The following ZFAT variants were observed in gnomAD, a reference collection of about 807,000 sequenced individuals.
The protein encoded by ZFAT is zinc finger protein ZFAT.
Under a neutral mutation model 117.7 loss-of-function variants are expected in ZFAT, and 64 were observed. The ratio of observed to expected loss-of-function variants is 0.54; its 90% CI spans 0.44 to 0.67. The LOEUF is 0.67. Ranked by LOEUF, ZFAT falls within the 30% of genes least tolerant of loss-of-function variation. The probability of loss-of-function intolerance (pLI) is 0.00; values close to 1 mark genes in which losing one functional copy is unlikely to be tolerated. For missense variants in ZFAT, 1,433 were observed against 1,584.5 expected, an observed-to-expected ratio of 0.90 and a Z score of 1.62; for synonymous variants, 679 against 615.0, an observed-to-expected ratio of 1.10 and a Z score of -1.54.
the ZFAT span, among the ~76,000 whole-genome samples, chr8:134,816,684 C>A: frequency 6.6e-6 from 1 of 152,078 alleles, no homozygotes; most frequent in Non-Finnish European, 1.5e-5. Context: ...AGAAACTGAG[C>A]TTAAAAATGC....
intron 12 of ZFAT, among the ~76,000 whole-genome samples, chr8:134,526,557 T>TA (rs1554638686): frequency 6.6e-6 from 1 of 152,190 alleles, no homozygotes; most frequent in Non-Finnish European, 1.5e-5. Context: ...AAGAGAAATT[T>TA]AAAAAAACTG....
At chr8:134,665,026 T>C (rs1206892763) in intron 1 of ZFAT, among the ~76,000 whole-genome samples, 1 of 152,262 alleles carries the variant, frequency 6.6e-6, no homozygotes, top group Non-Finnish European at 1.5e-5. Context: ...TCCTCATTTC[T>C]GATCTCTGAT....
At chr8:134,503,073 C>G (rs1477011607) in intron 15 of ZFAT, among the ~76,000 whole-genome samples, 1 of 152,238 alleles carries the variant, frequency 6.6e-6, no homozygotes, top group East Asian at 1.9e-4. Context: ...GAGACAAAGG[C>G]CTGCCACGTA....
At chr8:134,705,698 T>A (rs1215637284) in intron 1 of ZFAT, among the ~76,000 whole-genome samples, 3 of 151,696 alleles carry the variant, frequency 2.0e-5, no homozygotes, top group Admixed American at 1.3e-4. Flanking sequence ...CTGGCTAATT[T>A]TTTTTTTTTT....
chr8:134,646,023 G>C lies in ZFAT; in HGVS notation c.197-8311C>G, dbSNP rs187401448. 1.4e-3 allele frequency among the ~76,000 whole-genome samples: 215 copies of C among 151,910 alleles called. 2 individuals carry two copies. Among genetic ancestry groups the C allele is most frequent in the South Asian group, 5.4e-3 (26 of 4,808 alleles). ...TGAGAACCATCCTGGCCAACACAGT[G>C]AAACACCGTCTCTACTTAAAAAAAA... On this transcript the variant is annotated intron_variant, in intron 2 of 15. Transcript: ENST00000377838.
chr8:134,610,742 T>C (rs1385835256), intron 3 of ZFAT, 87 bp from the exon 4 acceptor site: 2 of 1,473,482 alleles, frequency 1.4e-6, no homozygotes, highest in East Asian at 4.5e-5. Context: ...CACGGGACAG[T>C]AAAGGAAACA....
chr8:134,712,837 C>G lies in ZFAT; in HGVS notation c.19+8G>C. The G allele has an allele frequency of 1.3e-6, 2 of 1,503,994 alleles. No individual in the cohort carries two copies. Among genetic ancestry groups the G allele is most frequent in the Non-Finnish European group, 1.8e-6 (2 of 1,128,982 alleles). The allele number at this position is 1,503,994 out of a possible 1,614,324, so 93.2% of individuals were successfully genotyped here. A position where few individuals can be genotyped will look rare whatever the true frequency, so the allele number is the denominator to read the frequency against. ...CCCCGTCTCACCCCAACCCCCAGCC[C>G]GGCTCACCTGCCGCCCGCGTCTCCA... On this transcript the variant is annotated splice_region_variant and intron_variant, in intron 1 of 15. Transcript: ENST00000377838.
At chr8:134,595,185 T>TAG (rs1439112585) in intron 7 of ZFAT, among the ~76,000 whole-genome samples, 1 of 152,240 alleles carries the variant, frequency 6.6e-6, no homozygotes, top group Non-Finnish European at 1.5e-5. Context: ...CACTGACAGA[T>TAG]AAACATTTAA....
intron 1 of ZFAT, among the ~76,000 whole-genome samples, chr8:134,672,603 C>T (rs1459672698): frequency 1.3e-5 from 2 of 151,938 alleles, no homozygotes; most frequent in African/African-American, 4.8e-5. Flanking sequence ...AATCAAATCT[C>T]TGAAAACTAA....
intron 15 of ZFAT, among the ~76,000 whole-genome samples, chr8:134,484,506 G>C (rs1168114896): frequency 6.6e-6 from 1 of 152,186 alleles, no homozygotes; most frequent in Non-Finnish European, 1.5e-5. Flanking sequence ...ATGGAGGAGA[G>C]TCCCTTTTGG....
the ZFAT span, among the ~76,000 whole-genome samples, chr8:134,791,279 G>C: frequency 1.3e-5 from 2 of 152,172 alleles, no homozygotes; most frequent in Non-Finnish European, 2.9e-5. Flanking sequence ...TTATTGTGTA[G>C]AAGTTTGCTC....
In ZFAT at chr8:134,600,614, C is replaced by T. The variant is rs1827344729; in HGVS notation, c.2297G>A (p.Arg766Gln). 1.2e-6 allele frequency: 2 copies of T among 1,613,484 alleles called. No homozygotes were observed. The highest frequency in any genetic ancestry group is 1.3e-5 in the African/African-American group (1 of 74,954). Residue 766 changes from arginine to glutamine, a missense_variant, in exon 7 of 16, where the codon CGG becomes CAG. Coordinates refer to ENST00000377838, the MANE Select transcript of ZFAT (RefSeq NM_020863.4). Reference protein sequence around the residue: ...HFDMHVRTHTREHLYYCSQCH... With the variant: ...HFDMHVRTHTQEHLYYCSQCH... ...CTGAGAGCAATAATACAGATGTTCC[C>T]GGGTGTGGGTGCGGACATGCATATC...
chr8:134,686,004 C>G (rs1424315303), intron 1 of ZFAT, among the ~76,000 whole-genome samples: 1 of 152,214 alleles, frequency 6.6e-6, no homozygotes, highest in Non-Finnish European at 1.5e-5. Context: ...CCCAAACACA[C>G]ATCCTTGGCC....
At chr8:134,610,955 T>C (rs2130972241) in intron 3 of ZFAT, among the ~76,000 whole-genome samples, 1 of 152,362 alleles carries the variant, frequency 6.6e-6, no homozygotes, top group East Asian at 1.9e-4. Flanking sequence ...GACTTCAGAA[T>C]CATTAATAAA....
At chr8:134,642,130 C>T (rs542590023) in intron 2 of ZFAT, among the ~76,000 whole-genome samples, 14 of 152,314 alleles carry the variant, frequency 9.2e-5, no homozygotes, top group African/African-American at 3.1e-4. Context: ...AGGGACACAA[C>T]GGTTCAAGTG....
the ZFAT span, among the ~76,000 whole-genome samples, chr8:134,810,612 T>A: frequency 6.6e-6 from 1 of 152,202 alleles, no homozygotes; most frequent in Non-Finnish European, 1.5e-5. Context: ...CTTCCACTTA[T>A]AACTAGCTAT....
chr8:134,783,513 G>A, the ZFAT span, among the ~76,000 whole-genome samples: 7 of 152,126 alleles, frequency 4.6e-5, no homozygotes, highest in African/African-American at 9.7e-5. Flanking sequence ...CCACAAAACC[G>A]GTTCCTGGTG....
In ZFAT at chr8:134,526,983, A is replaced by G. The variant is rs113732960; in HGVS notation, c.3115+5851T>C. ...AGAACATGTGAACATGTTACCTTAC[A>G]TGGCAAAAACGATGTGATTCAGTTC... On this transcript the variant is annotated intron_variant, in intron 12 of 15. Coordinates refer to ENST00000377838, the MANE Select transcript of ZFAT (RefSeq NM_020863.4). 8.2e-3 allele frequency among the ~76,000 whole-genome samples: 1,245 copies of G among 152,220 alleles called. 17 individuals carry two copies. The highest frequency in any genetic ancestry group is 0.029 in the African/African-American group (1,190 of 41,520).
Position 134,478,401 on chromosome 8 carries a change from G to A in ZFAT, c.*81C>T. On this transcript the variant is annotated 3_prime_UTR_variant, in exon 16 of 16. Transcript: ENST00000377838. This position sits in a 1 kb window ranked among gnomAD's most constrained non-coding sequence, Gnocchi z 5.2. ...AGGAGAGCACCATTCTGCGGGTAGG[G>A]CAGGAAGGGTGGCCTCCCCACCCTG... 2 of 1,500,362 alleles carry A rather than the reference G, an allele frequency of 1.3e-6. No individual in the cohort carries two copies. Among genetic ancestry groups the A allele is most frequent in the Non-Finnish European group, 8.9e-7 (1 of 1,122,660 alleles). 92.9% of individuals were successfully genotyped at this position (1,500,362 alleles called of 1,614,324 possible).
Sources: gnomAD v4.1 joint callset for allele counts (sites outside exome capture counted in the v4.1 genomes callset) on GRCh38, gnomAD v4.1.1 for gene constraint, Gnocchi (gnomAD v3.1) non-coding constraint, MANE v1.5 for transcripts, NCBI Gene and HGNC (gene_info 2026-07-23, HGNC 2026-07-21) for gene names.